The following PGM5 variants were observed in gnomAD, a reference collection of about 807,000 sequenced individuals.
PGM5 encodes phosphoglucomutase 5.
A neutral mutation model predicts 59.2 loss-of-function variants in PGM5; 23 were observed. The ratio of observed to expected loss-of-function variants is 0.39; its 90% confidence interval spans 0.28 to 0.55. PGM5 has a LOEUF of 0.55. Ranked by LOEUF, PGM5 falls within the 20% of genes least tolerant of loss-of-function variation. The pLI is 0.66. For missense variants in PGM5, 574 were observed against 748.3 expected, an observed-to-expected ratio of 0.77 and a Z score of 2.72; for synonymous variants, 214 against 286.0, an observed-to-expected ratio of 0.75 and a Z score of 2.54.
chr9:68,357,047 A>T lies in PGM5; in HGVS notation c.-81A>T, dbSNP rs1834462180. On this transcript the variant is annotated 5_prime_UTR_variant, in exon 1 of 11. Transcript: ENST00000396396. Reference sequence around the variant, plus strand: ...GGCGCGAGGCGGAGTCCCGGCGCGCAGCCAGGCTGGTGGAGGCCCCCGGCA... The same window carrying T: ...GGCGCGAGGCGGAGTCCCGGCGCGCTGCCAGGCTGGTGGAGGCCCCCGGCA... The T allele has an allele frequency of 7.5e-7, 1 of 1,340,294 alleles. No individual in the cohort carries two copies. Among genetic ancestry groups the T allele is most frequent in the Non-Finnish European group, 9.6e-7 (1 of 1,037,426 alleles). 83.0% of individuals were successfully genotyped at this position (1,340,294 alleles called of 1,614,324 possible).
intron 10 of PGM5, among the ~76,000 whole-genome samples, chr9:68,502,242 C>T (rs1554688706): frequency 6.6e-6 from 1 of 152,036 alleles, no homozygotes; most frequent in Non-Finnish European, 1.5e-5. Flanking sequence ...TTTTAAAATA[C>T]AAGTTTATTT....
chr9:68,430,311 T>C (rs1823323722), intron 6 of PGM5, among the ~76,000 whole-genome samples: 2 of 152,334 alleles, frequency 1.3e-5, no homozygotes, highest in African/African-American at 4.8e-5. Flanking sequence ...TGGATGTGCG[T>C]GAGCTATGGC....
chr9:68,515,273 A>G (rs1554689628), intron 10 of PGM5, among the ~76,000 whole-genome samples: 1 of 152,206 alleles, frequency 6.6e-6, no homozygotes, highest in East Asian at 1.9e-4. Context: ...TAGTCTTTCT[A>G]TTGTGGGGAA....
At position 68,456,815 on chromosome 9, in the gene PGM5, G is replaced by T. The variant is rs529221492; in HGVS notation, c.1044-8278G>T. 2.0e-5 allele frequency among the ~76,000 whole-genome samples: 3 copies of T among 151,756 alleles called. No homozygotes were observed. In the South Asian group the frequency reaches 6.3e-4, roughly 32 times the overall value. On this transcript the variant is annotated intron_variant, in intron 6 of 10. Coordinates refer to ENST00000396396, the MANE Select transcript of PGM5 (RefSeq NM_021965.4). Reference sequence around the variant, plus strand: ...AATTTTTTGTATTTTTAGTAGAAATGGGGTTTTGCCATCTTGGCCAGGCTG... The same window carrying T: ...AATTTTTTGTATTTTTAGTAGAAATTGGGTTTTGCCATCTTGGCCAGGCTG...
chr9:68,404,254 G>A (rs1400394808), intron 6 of PGM5, among the ~76,000 whole-genome samples: 3 of 152,132 alleles, frequency 2.0e-5, no homozygotes, highest in African/African-American at 7.2e-5. Flanking sequence ...AGCCTCCCGA[G>A]CAGCTGGGAT....
chr9:68,367,466 G>C (rs1278388521), intron 1 of PGM5, among the ~76,000 whole-genome samples: 2 of 152,224 alleles, frequency 1.3e-5, no homozygotes, highest in Non-Finnish European at 2.9e-5. Flanking sequence ...TGAGTCGTCT[G>C]AAAATGCACA....
At chr9:68,448,414 TC>T (rs1464072994) in intron 6 of PGM5, among the ~76,000 whole-genome samples, 2 of 152,110 alleles carry the variant, frequency 1.3e-5, no homozygotes, top group African/African-American at 2.4e-5. Flanking sequence ...CACAGCCTGT[TC>T]CCACTTAGAG....
intron 1 of PGM5, among the ~76,000 whole-genome samples, chr9:68,370,758 G>T (rs1178439442): frequency 6.6e-6 from 1 of 152,190 alleles, no homozygotes; most frequent in Admixed American, 6.5e-5. Context: ...CATAATTTAG[G>T]TGAGGTTTAA....
chr9:68,421,355 C>G (rs1281981068), intron 6 of PGM5, among the ~76,000 whole-genome samples: 1 of 152,124 alleles, frequency 6.6e-6, no homozygotes, highest in East Asian at 1.9e-4. Context: ...GGTCTCTCTT[C>G]TGTTTGGTGT....
intron 7 of PGM5, among the ~76,000 whole-genome samples, chr9:68,473,494 G>T (rs1481330765): frequency 1.3e-5 from 2 of 152,168 alleles, no homozygotes; most frequent in Non-Finnish European, 2.9e-5. Flanking sequence ...TAGCTGTGTG[G>T]CCTCATACAG....
At chr9:68,521,141 C>T (rs946094347) in intron 10 of PGM5, among the ~76,000 whole-genome samples, 1 of 152,162 alleles carries the variant, frequency 6.6e-6, no homozygotes, top group Non-Finnish European at 1.5e-5. Context: ...TGCCATGTGA[C>T]TGCACAAGTT....
chr9:68,485,910 C>T (rs1336748830), intron 9 of PGM5, among the ~76,000 whole-genome samples: 1 of 152,202 alleles, frequency 6.6e-6, no homozygotes, highest in Admixed American at 6.5e-5. Context: ...TACTTAGCAG[C>T]ATCCCCATTG....
At chr9:68,411,737 A>G (rs1554681621) in intron 6 of PGM5, among the ~76,000 whole-genome samples, 1 of 152,146 alleles carries the variant, frequency 6.6e-6, no homozygotes, top group African/African-American at 2.4e-5. Flanking sequence ...AGCAACATTT[A>G]CAAAACAATG....
In PGM5 at chr9:68,484,068, T is replaced by C. The variant is rs1351189214; in HGVS notation, c.1479+20T>C. On this transcript the variant is annotated intron_variant, in intron 9 of 10. Transcript: ENST00000396396. Reference sequence around the variant, plus strand: ...AAACAGGTACTTGCTAGGAAATCACTACAACGGGTTATCAGGCAGAACCAG... The same window carrying C: ...AAACAGGTACTTGCTAGGAAATCACCACAACGGGTTATCAGGCAGAACCAG... 4 of 1,607,500 alleles carry C rather than the reference T, an allele frequency of 2.5e-6. No homozygotes were observed. Among genetic ancestry groups the C allele is most frequent in the Non-Finnish European group, 3.4e-6 (4 of 1,175,734 alleles).
intron 6 of PGM5, among the ~76,000 whole-genome samples, chr9:68,455,654 G>A (rs74758976): frequency 0.024 from 3,715 of 152,274 alleles, 133 homozygotes; most frequent in African/African-American, 0.08. Flanking sequence ...CATAGTTATC[G>A]GGGAGGGTAG....
intron 6 of PGM5, among the ~76,000 whole-genome samples, chr9:68,464,762 A>T (rs1483276005): frequency 2.0e-5 from 3 of 152,104 alleles, no homozygotes; most frequent in Non-Finnish European, 4.4e-5. Flanking sequence ...ATGCCCAAAT[A>T]CCCTCTTAAT....
At chr9:68,360,378 A>G (rs1834553538) in intron 1 of PGM5, among the ~76,000 whole-genome samples, 1 of 151,122 alleles carries the variant, frequency 6.6e-6, no homozygotes, top group Non-Finnish European at 1.5e-5. Flanking sequence ...ATAAATTTAA[A>G]CAACTTTTTT....
intron 6 of PGM5, among the ~76,000 whole-genome samples, chr9:68,457,915 T>A (rs376053041): frequency 7.9e-4 from 120 of 152,190 alleles, no homozygotes; most frequent in Non-Finnish European, 1.1e-3. Flanking sequence ...CTGGGAACAA[T>A]CTCATGGAAG....
In PGM5 at chr9:68,430,598, A is replaced by G. The variant is rs1170179832; in HGVS notation, c.1044-34495A>G. On this transcript the variant is annotated intron_variant, in intron 6 of 10. Transcript: ENST00000396396. ...CCAAGGACATTAAAGGCATCCATCA[A>G]CTTTTCCGGAATCAGGTTTCTCTGG... Among the ~76,000 whole-genome samples, 4 of 152,358 alleles carry G rather than the reference A, an allele frequency of 2.6e-5. No individual in the cohort carries two copies. In the South Asian group the frequency reaches 6.2e-4, roughly 24 times the overall value.
Sources: allele counts gnomAD v4.1 joint callset (sites outside exome capture counted in the v4.1 genomes callset), GRCh38; gene constraint gnomAD v4.1.1; transcripts MANE v1.5; gene names NCBI Gene and HGNC (gene_info 2026-07-23, HGNC 2026-07-21).